The following HTATIP2 variants were observed in gnomAD, a reference collection of about 807,000 sequenced individuals.
The protein encoded by HTATIP2 is HIV-1 Tat interactive protein 2.
In HTATIP2, 26 loss-of-function variants were observed where a neutral mutation model predicts 24.7. The ratio of observed to expected loss-of-function variants is 1.05; its 90% CI spans 0.77 to 1.46. HTATIP2 has a LOEUF of 1.46. HTATIP2 is among the 40% of genes most tolerant of loss of function. The pLI is 0.00. For synonymous variants in HTATIP2, 99 were observed against 113.2 expected (o/e 0.87, Z 0.79); for missense variants, 284 against 289.6 (o/e 0.98, Z 0.14).
intron 3 of HTATIP2, among the ~76,000 whole-genome samples, chr11:20,379,508 AT>A (rs1848489902): frequency 6.6e-6 from 1 of 152,102 alleles, no homozygotes; most frequent in South Asian, 2.1e-4. Flanking sequence ...GCCCCACCCA[AT>A]TTTAGAAACT....
rs2064663183 is a variant in HTATIP2, at chr11:20,363,938, G to C, written c.-300G>C. 8.0e-7 allele frequency: 1 copy of C among 1,244,200 alleles called. No individual in the cohort carries two copies. 77.1% of individuals were successfully genotyped at this position (1,244,200 alleles called of 1,614,324 possible). A position where few individuals can be genotyped will look rare whatever the true frequency, so the allele number is the denominator to read the frequency against. ...GTAACCCCTCCGCGTATGGGACCGA[G>C]CTGGGCCAGGTCTCCTGGCCGGGCC... On this transcript the variant is annotated 5_prime_UTR_variant, in exon 1 of 5. Coordinates refer to ENST00000451739, the MANE Select transcript of HTATIP2 (RefSeq NM_001098522.2).
At chr11:20,372,236 C>T (rs1275422564) in intron 2 of HTATIP2, among the ~76,000 whole-genome samples, 1 of 152,176 alleles carries the variant, frequency 6.6e-6, no homozygotes, top group East Asian at 1.9e-4. Flanking sequence ...GACCACCGTG[C>T]CTGACCCCAT....
In HTATIP2 at chr11:20,364,410, A is replaced by C. The variant is rs1209747890; in HGVS notation, c.173A>C (p.Asp58Ala). The change falls in exon 1 of 5, where the codon GAC becomes GCC. Residue 58 changes from aspartate to alanine, a missense_variant. Coordinates refer to ENST00000451739, the MANE Select transcript of HTATIP2 (RefSeq NM_001098522.2). ...TLIGRRKLTF[D>A]EEAYKNVNQE... Reference sequence around the variant, plus strand: ...ATTGGCCGGAGGAAGCTCACCTTCGACGAGGAAGCTTATAAAAATGTGGTG... The same window carrying C: ...ATTGGCCGGAGGAAGCTCACCTTCGCCGAGGAAGCTTATAAAAATGTGGTG... 1.2e-6 allele frequency: 2 copies of C among 1,608,260 alleles called. No individual in the cohort carries two copies. The highest frequency in any genetic ancestry group is 2.2e-5 in the East Asian group (1 of 44,712).
intron 2 of HTATIP2, chr11:20,367,773 T>C (rs769965944): frequency 1.8e-5 from 10 of 541,728 alleles, no homozygotes; most frequent in Non-Finnish European, 2.2e-5. Flanking sequence ...TGACTCAGCC[T>C]TCAGCGATGA....
intron 1 of HTATIP2, 62 bp from the exon 2 acceptor site, chr11:20,367,112 A>G: frequency 1.3e-6 from 2 of 1,580,892 alleles, no homozygotes; most frequent in Non-Finnish European, 1.7e-6. Flanking sequence ...TTAAATCTAG[A>G]GGGGGTTTTT....
intron 2 of HTATIP2, among the ~76,000 whole-genome samples, chr11:20,373,650 G>A (rs1199051886): frequency 6.6e-6 from 1 of 152,184 alleles, no homozygotes; most frequent in Non-Finnish European, 1.5e-5. Flanking sequence ...AGTCAACTGT[G>A]TCATTTTGTT....
At chr11:20,377,647 G>T (rs1179538730) in intron 3 of HTATIP2, among the ~76,000 whole-genome samples, 1 of 152,150 alleles carries the variant, frequency 6.6e-6, no homozygotes, top group Non-Finnish European at 1.5e-5. Flanking sequence ...TTTTACAGAA[G>T]TTCATCTCCT....
chr11:20,373,694 C>A lies in HTATIP2; in HGVS notation c.304-2886C>A, dbSNP rs75183105. On this transcript the variant is annotated intron_variant, in intron 2 of 4. Coordinates refer to ENST00000451739, the MANE Select transcript of HTATIP2 (RefSeq NM_001098522.2). ...CTAACCTGTCATTAAAATCAGAGTT[C>A]TGATAAACTGGCATGAGGGGAAGAA... Among the ~76,000 whole-genome samples, 450 of 152,236 alleles carry A rather than the reference C, an allele frequency of 3.0e-3. 3 individuals carry two copies. Among genetic ancestry groups the A allele is most frequent in the Non-Finnish European group, 4.9e-3 (334 of 68,006 alleles).
chr11:20,367,603 A>G (rs958540280), intron 2 of HTATIP2: 3 of 1,341,074 alleles, frequency 2.2e-6, no homozygotes, highest in African/African-American at 3.0e-5. Context: ...TAATTGGTTT[A>G]TGCTGTTAAC....
chr11:20,368,235 T>G (rs940312837), intron 2 of HTATIP2, among the ~76,000 whole-genome samples: 1 of 152,126 alleles, frequency 6.6e-6, no homozygotes. Context: ...ATGGGAATTC[T>G]CCTTAGGTTT....
At chr11:20,379,126 G>C (rs1448925098) in intron 3 of HTATIP2, among the ~76,000 whole-genome samples, 1 of 151,602 alleles carries the variant, frequency 6.6e-6, no homozygotes, top group Non-Finnish European at 1.5e-5. Context: ...TTGAACCCAG[G>C]CTGATTCCAA....
chr11:20,376,608 A>G lies in HTATIP2; in HGVS notation c.332A>G (p.Tyr111Cys), dbSNP rs140080675. 1.5e-5 allele frequency: 24 copies of G among 1,614,070 alleles called. No homozygotes were observed. The East Asian group carries it at 4.0e-4, about 27-fold the overall frequency. The change falls in exon 3 of 5, where the codon TAT becomes TGT. Residue 111 changes from tyrosine (Y) to cysteine (C), a missense_variant. Coordinates refer to ENST00000451739, the MANE Select transcript of HTATIP2 (RefSeq NM_001098522.2). ...GGATTTGTTCGTGTTGACCGAGATTATGTGCTGAAGTCTGCAGAGCTGGCA... is the reference window on the plus strand; with the variant it reads ...GGATTTGTTCGTGTTGACCGAGATTGTGTGCTGAAGTCTGCAGAGCTGGCA... ...AEGFVRVDRD[Y>C]VLKSAELAKA...
chr11:20,380,307 A>T (rs1314207004), intron 3 of HTATIP2, among the ~76,000 whole-genome samples: 2 of 152,232 alleles, frequency 1.3e-5, no homozygotes, highest in African/African-American at 4.8e-5. Context: ...CTTTCTAAGG[A>T]TAGCAGTCTC....
chr11:20,367,549 A>G, intron 2 of HTATIP2: 1 of 1,425,344 alleles, frequency 7.0e-7, no homozygotes, highest in Non-Finnish European at 9.1e-7. Flanking sequence ...TATCGCTATC[A>G]CTACATCCCC....
chr11:20,365,711 C>A (rs1007824054), intron 1 of HTATIP2, among the ~76,000 whole-genome samples: 30 of 152,086 alleles, frequency 2.0e-4, no homozygotes, highest in Admixed American at 1.3e-3. Flanking sequence ...GTGGCTCATG[C>A]CTGTAATCCC....
intron 3 of HTATIP2, among the ~76,000 whole-genome samples, chr11:20,378,404 A>G (rs1848474919): frequency 6.6e-6 from 1 of 152,220 alleles, no homozygotes; most frequent in African/African-American, 2.4e-5. Flanking sequence ...CCTGGGCTCA[A>G]ACAATCTCCA....
At chr11:20,373,898 C>G (rs918023677) in intron 2 of HTATIP2, among the ~76,000 whole-genome samples, 1 of 152,184 alleles carries the variant, frequency 6.6e-6, no homozygotes, top group Non-Finnish European at 1.5e-5. Flanking sequence ...ATTTTAAAAG[C>G]AACTGCATGA....
chr11:20,374,895 G>T (rs1055000459), intron 2 of HTATIP2, among the ~76,000 whole-genome samples: 1 of 152,152 alleles, frequency 6.6e-6, no homozygotes. Context: ...AATACCATCT[G>T]TGATGGAATT....
chr11:20,367,596 T>C (rs2064724907), intron 2 of HTATIP2: 1 of 1,375,132 alleles, frequency 7.3e-7, no homozygotes, highest in South Asian at 1.8e-5. Flanking sequence ...GTAAAACTAA[T>C]TGGTTTATGC....
Sources: allele counts gnomAD v4.1 joint callset (sites outside exome capture counted in the v4.1 genomes callset), GRCh38; gene constraint gnomAD v4.1.1; transcripts MANE v1.5; gene names NCBI Gene and HGNC (gene_info 2026-07-23, HGNC 2026-07-21).